Variants in ADGRA2 observed in about 807,000 individuals in gnomAD.
ADGRA2 encodes the protein G-protein coupled receptor 124.
Under a neutral mutation model 98.7 loss-of-function variants are expected in ADGRA2, and 61 were observed. The observed-to-expected ratio is 0.62, with a 90% CI of 0.50 to 0.76. The LOEUF is 0.76. Among genes scored for constraint, ADGRA2 ranks in the 30% least tolerant of loss-of-function variants. The pLI, the probability that ADGRA2 is intolerant of heterozygous loss-of-function variation, is 0.00. For missense variants in ADGRA2, 1,712 were observed against 1,860.0 expected, an observed-to-expected ratio of 0.92 and a Z score of 1.46; for synonymous variants, 858 against 831.5, an observed-to-expected ratio of 1.03 and a Z score of -0.55.
intron 1 of ADGRA2, among the ~76,000 whole-genome samples, chr8:37,804,661 T>C (rs1804608541): frequency 6.6e-6 from 1 of 152,220 alleles, no homozygotes; most frequent in Non-Finnish European, 1.5e-5. Flanking sequence ...CGAGTCCCAC[T>C]CCCAGCCCCT....
rs113768041 is a variant in ADGRA2, at chr8:37,822,093, G to A, written c.339-6795G>A. On this transcript the variant is annotated intron_variant, in intron 2 of 18. Coordinates refer to ENST00000412232, the MANE Select transcript of ADGRA2 (RefSeq NM_032777.10). ...ATGGTAGCCCCCATGCCTGGCATGGGGTACATGCTCAATAAATAACCTGTG... is the reference window on the plus strand; with the variant it reads ...ATGGTAGCCCCCATGCCTGGCATGGAGTACATGCTCAATAAATAACCTGTG... Among the ~76,000 whole-genome samples, 1,144 of 152,186 alleles carry A rather than the reference G, an allele frequency of 7.5e-3. 13 individuals carry two copies. The highest frequency in any genetic ancestry group is 0.027 in the African/African-American group (1,109 of 41,506).
At chr8:37,798,342 C>T (rs1804404692) in intron 1 of ADGRA2, among the ~76,000 whole-genome samples, 1 of 152,224 alleles carries the variant, frequency 6.6e-6, no homozygotes. Context: ...TCACCGCAGC[C>T]CACCCGGGCC....
In ADGRA2 at chr8:37,822,985, G is replaced by A. The variant is rs534262932; in HGVS notation, c.339-5903G>A. ...CGGCTTGCTACAACCTCCTCCTCCC[G>A]AGTTCAAGCGATTCTCCTGCCTCAG... On this transcript the variant is annotated intron_variant, in intron 2 of 18. Coordinates refer to ENST00000412232, the MANE Select transcript of ADGRA2 (RefSeq NM_032777.10). Among the ~76,000 whole-genome samples, 42 of 150,034 alleles carry A rather than the reference G, an allele frequency of 2.8e-4. No homozygotes were observed. The Admixed American group carries it at 2.8e-3, about 10-fold the overall frequency.
At chr8:37,808,259 AG>A (rs1804733158) in intron 1 of ADGRA2, among the ~76,000 whole-genome samples, 1 of 152,132 alleles carries the variant, frequency 6.6e-6, no homozygotes, top group African/African-American at 2.4e-5. Context: ...GAGGGAAGAA[AG>A]AAGCCGAAGA....
chr8:37,805,883 A>C (rs1453618531), intron 1 of ADGRA2, among the ~76,000 whole-genome samples: 1 of 151,946 alleles, frequency 6.6e-6, no homozygotes, highest in Admixed American at 6.6e-5. Context: ...AAAAACAAAC[A>C]AACAAACAAA....
chr8:37,814,840 G>A lies in ADGRA2; in HGVS notation c.267-56G>A, dbSNP rs369942105. 7 of 1,323,860 alleles carry A rather than the reference G, an allele frequency of 5.3e-6. No homozygotes were observed. The highest frequency in any genetic ancestry group is 2.3e-5 in the East Asian group (1 of 43,434). The allele number at this position is 1,323,860 out of a possible 1,614,324, so 82.0% of individuals were successfully genotyped here. On this transcript the variant is annotated intron_variant, in intron 1 of 18. Coordinates refer to ENST00000412232, the MANE Select transcript of ADGRA2 (RefSeq NM_032777.10). This position sits in a 1 kb window ranked among gnomAD's most constrained non-coding sequence, Gnocchi z 4.3. Reference sequence around the variant, plus strand: ...AGCTGGCCCCACCAGTGGTGAAAGCGGATGCCCAGCACATAACAGCACCTT... The same window carrying A: ...AGCTGGCCCCACCAGTGGTGAAAGCAGATGCCCAGCACATAACAGCACCTT...
rs1193436564 is a variant in ADGRA2 at position 37,841,988 on chromosome 8, G to A, written c.3650G>A (p.Ser1217Asn). The A allele has an allele frequency of 6.6e-7, 1 of 1,509,112 alleles. No homozygotes were observed. The highest frequency in any genetic ancestry group is 1.2e-5 in the South Asian group (1 of 80,778). The allele number at this position is 1,509,112 out of a possible 1,614,324, so 93.5% of individuals were successfully genotyped here. A position where few individuals can be genotyped will look rare whatever the true frequency, so the allele number is the denominator to read the frequency against. Residue 1217 changes from serine (S) to asparagine (N), a missense_variant, in exon 19 of 19, where the codon AGC becomes AAC. Transcript: ENST00000412232. The surrounding 1 kb of genome is among the most constrained non-coding windows in gnomAD (Gnocchi z 5.0). ...GAAGALELLS[S>N]ESGSLHNSPT... ...GCGGGGGCGCTGGAGCTGCTGTCCA[G>A]CGAGAGCGGCAGTCTGCACAACAGC... is the stretch of plus-strand genomic sequence containing the variant.
chr8:37,844,569 C>T lies in ADGRA2; in HGVS notation c.*2214C>T, dbSNP rs144896527. 7.2e-5 allele frequency: 116 copies of T among 1,613,874 alleles called. No individual in the cohort carries two copies. The highest frequency in any genetic ancestry group is 3.3e-4 in the Admixed American group (20 of 59,984). On this transcript the variant is annotated 3_prime_UTR_variant, in exon 19 of 19. Transcript: ENST00000412232. ...AAAGTCCCTAACTTCCTGAGGGGTA[C>T]GCAAATACTGTTCTATTTCACTATC...
Position 37,844,687 on chromosome 8 carries a change from C to T in ADGRA2, c.*2332C>T. 1 of 1,614,116 alleles carries T rather than the reference C, an allele frequency of 6.2e-7. No individual in the cohort carries two copies. Among genetic ancestry groups the T allele is most frequent in the South Asian group, 1.1e-5 (1 of 91,074 alleles). ...AACATGCAGGGTGGCAAGAGAAGGG[C>T]AGGACTGGCCGGCCGCTTCCCCTGG... On this transcript the variant is annotated 3_prime_UTR_variant, in exon 19 of 19. Transcript: ENST00000412232.
intron 14 of ADGRA2, among the ~76,000 whole-genome samples, chr8:37,838,253 T>G (rs1805677476): frequency 7.0e-6 from 1 of 143,882 alleles, no homozygotes; most frequent in Admixed American, 6.9e-5. Context: ...AGACCAGATT[T>G]TTTTTTTTTT....
At chr8:37,833,256 G>A (rs766897176) in intron 9 of ADGRA2, 48 bp downstream of exon 9, 253 of 1,452,574 alleles carry the variant, frequency 1.7e-4, no homozygotes, top group Non-Finnish European at 2.2e-4. Flanking sequence ...GGGGGCACAG[G>A]GAAGGGAGAA....
rs1029013000 is a variant in ADGRA2, at chr8:37,797,176, C to A, written c.-93C>A. 1.1e-4 allele frequency: 108 copies of A among 1,021,356 alleles called. No homozygotes were observed. In the East Asian group the frequency reaches 4.1e-3, roughly 39 times the overall value. 63.3% of individuals were successfully genotyped at this position (1,021,356 alleles called of 1,614,324 possible). A position where few individuals can be genotyped will look rare whatever the true frequency, so the allele number is the denominator to read the frequency against. On this transcript the variant is annotated 5_prime_UTR_variant, in exon 1 of 19. Transcript: ENST00000412232. This position sits in a 1 kb window ranked among gnomAD's most constrained non-coding sequence, Gnocchi z 5.3. The stretch of plus-strand genomic sequence containing the variant: ...CCTCCACGCCCTCGGGAGCCCCGGG[C>A]CCCCGCTGAGCACTCCTCCCGCACG...
rs150827014 is a variant in ADGRA2 at position 37,798,221 on chromosome 8, C to T, written c.266+687C>T. ...GTGAGCTCTGTGCTGGGTCCCGCGT[C>T]CTTGCCTCTCCTTTGCCTCTCCTGG... On this transcript the variant is annotated intron_variant, in intron 1 of 18. Coordinates refer to ENST00000412232, the MANE Select transcript of ADGRA2 (RefSeq NM_032777.10). Among the ~76,000 whole-genome samples, 19 of 152,348 alleles carry T rather than the reference C, an allele frequency of 1.2e-4. No homozygotes were observed. In the East Asian group the frequency reaches 3.3e-3, roughly 26 times the overall value.
rs751906958 is a variant in ADGRA2 at position 37,840,233 on chromosome 8, AC to A, written c.2628del (p.Ala877LeufsTer13). 1.2e-6 allele frequency: 2 copies of A among 1,612,644 alleles called. No homozygotes were observed. The highest frequency in any genetic ancestry group is 1.7e-6 in the Non-Finnish European group (2 of 1,179,894). ...AGGGCACCCCCTCCGCAAGAAGGGG[AC>A]CCCGCTCTGCCTACTCCCAGTCCTA... ...TWRAPPPQEGDPALPTPSPML... is the reference protein window; with the variant it reads ...TWRAPPPQEGXPALPTPSPML... On this transcript the variant is annotated frameshift_variant, in exon 17 of 19. Transcript: ENST00000412232. LOFTEE classifies it high-confidence loss of function.
chr8:37,836,613 C>T lies in ADGRA2; in HGVS notation c.2050+843C>T, dbSNP rs139085356. Reference sequence around the variant, plus strand: ...CCAGTGATTCCACTGTTACTCCCACCATCCACGCTGACACCAGCCCATCTC... The same window carrying T: ...CCAGTGATTCCACTGTTACTCCCACTATCCACGCTGACACCAGCCCATCTC... On this transcript the variant is annotated intron_variant, in intron 13 of 18. Transcript: ENST00000412232. 3.6e-3 allele frequency among the ~76,000 whole-genome samples: 543 copies of T among 152,260 alleles called. 4 individuals are homozygous for T. The highest frequency in any genetic ancestry group is 0.013 in the African/African-American group (530 of 41,554).
intron 1 of ADGRA2, among the ~76,000 whole-genome samples, chr8:37,800,886 G>A (rs1563335892): frequency 6.6e-6 from 1 of 152,134 alleles, no homozygotes; most frequent in Non-Finnish European, 1.5e-5. Flanking sequence ...TAAAACTGGA[G>A]CCATTCATTT....
rs1805790053 is a variant in ADGRA2 at position 37,841,500 on chromosome 8, C to T, written c.3162C>T (p.Tyr1054=). 2 of 1,612,916 alleles carry T rather than the reference C, an allele frequency of 1.2e-6. No homozygotes were observed. The highest frequency in any genetic ancestry group is 8.5e-7 in the Non-Finnish European group (1 of 1,179,836). ...CCCGGGTGGTGTGCAGCTGCTTGTA[C>T]GGGGTGGCAGCCTCCGCCCTGGGCC... ...WLPRVVCSCL[Y]GVAASALGLF... Residue 1054 remains tyrosine, a synonymous_variant, in exon 19 of 19, where the codon TAC becomes TAT. Coordinates refer to ENST00000412232, the MANE Select transcript of ADGRA2 (RefSeq NM_032777.10). The surrounding 1 kb of genome is among the most constrained non-coding windows in gnomAD (Gnocchi z 5.0).
In ADGRA2 at chr8:37,835,164, C is replaced by A. The variant is rs768277656; in HGVS notation, c.1609-10C>A. ...CTCAAATGGTGGGATGACAAGGTCC[C>A]TGTCCCCAGAATGCGAGGAACGTGG... On this transcript the variant is annotated splice_polypyrimidine_tract_variant and intron_variant, in intron 11 of 18. Transcript: ENST00000412232. 1.9e-6 allele frequency: 3 copies of A among 1,606,554 alleles called. No homozygotes were observed. The highest frequency in any genetic ancestry group is 1.7e-4 in the Middle Eastern group (1 of 6,054).
chr8:37,822,418 C>CACACACACACACACAG (rs1330099159), intron 2 of ADGRA2, among the ~76,000 whole-genome samples: 22 of 146,540 alleles, frequency 1.5e-4, no homozygotes, highest in Non-Finnish European at 2.4e-4. Context: ...CAGTCACATG[C>CACACACACACACACAG]TCTTTAACTC....
Sources: gnomAD v4.1 joint callset for allele counts (sites outside exome capture counted in the v4.1 genomes callset) on GRCh38, gnomAD v4.1.1 for gene constraint, Gnocchi (gnomAD v3.1) non-coding constraint, MANE v1.5 for transcripts, NCBI Gene and HGNC (gene_info 2026-07-23, HGNC 2026-07-21) for gene names.